The following MSI2 variants were observed in gnomAD, a reference collection of about 807,000 sequenced individuals.
MSI2 encodes RNA-binding protein Musashi homolog 2.
MSI2 carries 17 observed loss-of-function variants against 45.6 expected under a neutral mutation model. That is an observed-to-expected ratio of 0.37 (90% confidence interval 0.26 to 0.56). The LOEUF (loss-of-function observed/expected upper bound fraction) is 0.56. Ranked by LOEUF, MSI2 falls within the 20% of genes least tolerant of loss-of-function variation. The pLI is 0.77. For synonymous variants in MSI2, 156 were observed against 158.2 expected (o/e 0.99, Z 0.11); for missense variants, 293 against 444.2 (o/e 0.66, Z 3.06).
At chr17:57,575,625 C>G (rs944151461) in intron 7 of MSI2, among the ~76,000 whole-genome samples, 1 of 152,180 alleles carries the variant, frequency 6.6e-6, no homozygotes, top group Non-Finnish European at 1.5e-5. Flanking sequence ...GCAGATTCCA[C>G]TCCCCCTGGC....
chr17:57,656,715 G>A (rs931408778), intron 11 of MSI2, among the ~76,000 whole-genome samples: 11 of 152,180 alleles, frequency 7.2e-5, no homozygotes, highest in African/African-American at 2.7e-4. Context: ...GAGACAGAAA[G>A]GGAGGTCGGC....
intron 7 of MSI2, among the ~76,000 whole-genome samples, chr17:57,571,851 G>A (rs993513817): frequency 3.3e-5 from 5 of 152,152 alleles, no homozygotes; most frequent in African/African-American, 1.2e-4. Flanking sequence ...ACAGCCGACT[G>A]CGTGCCTCTG....
the MSI2 span, among the ~76,000 whole-genome samples, chr17:57,696,890 C>T: frequency 6.6e-6 from 1 of 152,174 alleles, no homozygotes; most frequent in African/African-American, 2.4e-5. Context: ...TCTTGGCACA[C>T]TCTAGACTCT....
intron 7 of MSI2, among the ~76,000 whole-genome samples, chr17:57,546,543 C>A (rs1051666813): frequency 5.9e-5 from 9 of 152,188 alleles, no homozygotes; most frequent in African/African-American, 1.7e-4. Context: ...CTTTATCAAA[C>A]CTAGGCATGG....
At chr17:57,679,502 C>G in intron 13 of MSI2, 47 bp from the exon 14 acceptor site, 1 of 1,012,078 alleles carries the variant, frequency 9.9e-7, no homozygotes, top group Non-Finnish European at 1.2e-6. Context: ...CCTCTCCCCT[C>G]CATTTTATGT....
chr17:57,656,070 T>C (rs1162043523), intron 11 of MSI2, among the ~76,000 whole-genome samples: 2 of 152,182 alleles, frequency 1.3e-5, no homozygotes, highest in Non-Finnish European at 2.9e-5. Flanking sequence ...GTTGAGTTGA[T>C]ATTACAGGGT....
intron 10 of MSI2, among the ~76,000 whole-genome samples, chr17:57,648,132 C>CGTGTGTGTGTGT (rs765039915): frequency 5.6e-4 from 65 of 116,250 alleles, no homozygotes; most frequent in East Asian, 2.8e-3. Context: ...CTGGCTAATT[C>CGTGTGTGTGTGT]GTGTGTGTGT....
intron 5 of MSI2, among the ~76,000 whole-genome samples, chr17:57,348,111 TC>T (rs1467449286): frequency 1.3e-5 from 2 of 152,230 alleles, no homozygotes; most frequent in South Asian, 2.1e-4. Flanking sequence ...AAGACTCTAC[TC>T]TGCCTTTCTA....
chr17:57,679,323 C>T (rs889211705), intron 13 of MSI2, among the ~76,000 whole-genome samples: 2 of 152,224 alleles, frequency 1.3e-5, no homozygotes, highest in African/African-American at 4.8e-5. Flanking sequence ...TTGTCCTCTC[C>T]CCAGTGTCAG....
chr17:57,453,602 T>G (rs1020518570), intron 6 of MSI2, among the ~76,000 whole-genome samples: 4 of 152,222 alleles, frequency 2.6e-5, no homozygotes, highest in African/African-American at 9.6e-5. Flanking sequence ...GACACAAGCA[T>G]TTGCCTGTGT....
intron 7 of MSI2, among the ~76,000 whole-genome samples, chr17:57,561,046 T>A (rs142578348): frequency 4.6e-5 from 7 of 152,312 alleles, no homozygotes; most frequent in African/African-American, 1.7e-4. Flanking sequence ...ATGAAGCAAA[T>A]GGCGGTGAGG....
intron 5 of MSI2, among the ~76,000 whole-genome samples, chr17:57,309,445 C>A (rs1199549251): frequency 6.6e-6 from 1 of 152,158 alleles, no homozygotes; most frequent in Non-Finnish European, 1.5e-5. Context: ...GAATAAGTGG[C>A]TTTAATCGTC....
chr17:57,641,602 G>A (rs565291491), intron 10 of MSI2, among the ~76,000 whole-genome samples: 4 of 152,302 alleles, frequency 2.6e-5, no homozygotes, highest in African/African-American at 7.2e-5. Flanking sequence ...CAGAACATTC[G>A]TAGTTTGTCC....
At chr17:57,499,886 C>G (rs1471838257) in intron 6 of MSI2, among the ~76,000 whole-genome samples, 1 of 152,078 alleles carries the variant, frequency 6.6e-6, no homozygotes, top group East Asian at 1.9e-4. Flanking sequence ...ACTCCTTGTA[C>G]AGAAGCTTAG....
chr17:57,655,916 A>T (rs1391617667), intron 11 of MSI2, among the ~76,000 whole-genome samples: 1 of 152,096 alleles, frequency 6.6e-6, no homozygotes, highest in Non-Finnish European at 1.5e-5. Context: ...TATTAGTTAC[A>T]ACTCCAAAAC....
chr17:57,412,812 T>C (rs541846397), intron 6 of MSI2, among the ~76,000 whole-genome samples: 2 of 152,250 alleles, frequency 1.3e-5, no homozygotes, highest in Non-Finnish European at 2.9e-5. Flanking sequence ...AATAAGAGCA[T>C]AGGTTGTTTA....
intron 10 of MSI2, chr17:57,631,901 G>C (rs1909409523): frequency 5.0e-6 from 8 of 1,591,098 alleles, no homozygotes; most frequent in Admixed American, 1.7e-5. Flanking sequence ...GTCCCGGCCT[G>C]GGCTGCCCCC....
rs2088347024 is a variant in MSI2, at chr17:57,586,336, G to T, written c.455-10532G>T. Among the ~76,000 whole-genome samples the T allele has an allele frequency of 2.6e-5, 4 of 152,198 alleles. No homozygotes were observed. The South Asian group carries it at 8.3e-4, about 32-fold the overall frequency. On this transcript the variant is annotated intron_variant, in intron 7 of 13. Coordinates refer to ENST00000284073, the MANE Select transcript of MSI2 (RefSeq NM_138962.4). The stretch of plus-strand genomic sequence containing the variant: ...TTCTCTCTTAGAAAAATGGTTTGAG[G>T]ATGGTTAGAGGTCTCTCTCTCTCTC...
chr17:57,508,122 T>C (rs2086276999), intron 6 of MSI2, among the ~76,000 whole-genome samples: 1 of 152,214 alleles, frequency 6.6e-6, no homozygotes, highest in Non-Finnish European at 1.5e-5. Context: ...AGCAGCTGTG[T>C]CTGGGAGCTC....
Sources: gnomAD v4.1 joint callset for allele counts (sites outside exome capture counted in the v4.1 genomes callset) on GRCh38, gnomAD v4.1.1 for gene constraint, MANE v1.5 for transcripts, NCBI Gene and HGNC (gene_info 2026-07-23, HGNC 2026-07-21) for gene names.